GRIA1: variants seen among roughly 807,000 people sequenced by gnomAD.
GRIA1 encodes glutamate receptor 1.
GRIA1 carries 31 observed loss-of-function variants against 99.2 expected under a neutral mutation model. The observed-to-expected ratio is 0.31, with a 90% CI of 0.23 to 0.42. The LOEUF is 0.42. Among genes scored for constraint, GRIA1 ranks in the 10% least tolerant of loss-of-function variants. GRIA1 has a pLI of 1.00. For missense variants in GRIA1, 782 were observed against 1,157.5 expected (o/e 0.68, Z 4.71); for synonymous variants, 438 against 432.4 (o/e 1.01, Z -0.16).
At chr5:153,753,734 T>G (rs932306506) in intron 11 of GRIA1, among the ~76,000 whole-genome samples, 3 of 147,374 alleles carry the variant, frequency 2.0e-5, no homozygotes, top group East Asian at 2.0e-4. Flanking sequence ...CCCAGGGGGG[T>G]TTGGGAAAAG....
chr5:153,515,002 G>T (rs1266422816), intron 2 of GRIA1, among the ~76,000 whole-genome samples: 1 of 152,126 alleles, frequency 6.6e-6, no homozygotes, highest in African/African-American at 2.4e-5. Context: ...CTTGTATACT[G>T]TTGGAAATCA....
At chr5:153,714,780 C>A (rs1759550394) in intron 11 of GRIA1, among the ~76,000 whole-genome samples, 1 of 152,232 alleles carries the variant, frequency 6.6e-6, no homozygotes, top group Admixed American at 6.5e-5. Flanking sequence ...GTGAATGAAT[C>A]ATTTTTGCTA....
In GRIA1 at chr5:153,705,884, A is replaced by G. The variant is rs1758856379; in HGVS notation, c.1640A>G (p.Tyr547Cys). ...YEIWMCIVFA[Y>C]IGVSVVLFLV... ...ATTTGGATGTGCATTGTTTTTGCCT[A>G]CATTGGAGTGAGTGTTGTCCTCTTC... Residue 547 changes from tyrosine to cysteine, a missense_variant, in exon 11 of 16, where the codon TAC becomes TGC. Tyr to Cys is a radical substitution (Grantham distance 194, BLOSUM62 -2). Around this residue, in one of 5 missense-constraint regions of GRIA1, gnomAD observed 87 missense variants for 184.5 expected, o/e 0.47. Transcript: ENST00000285900. The G allele has an allele frequency of 6.2e-7, 1 of 1,613,748 alleles. No individual in the cohort carries two copies. Among genetic ancestry groups the G allele is most frequent in the African/African-American group, 1.3e-5 (1 of 74,826 alleles).
intron 5 of GRIA1, among the ~76,000 whole-genome samples, chr5:153,666,548 G>C (rs2149476872): frequency 6.6e-6 from 1 of 152,248 alleles, no homozygotes; most frequent in East Asian, 1.9e-4. Context: ...GTGGTTGGGA[G>C]GCTTGATGTA....
At chr5:153,592,926 CTT>C (rs1764095580) in intron 2 of GRIA1, among the ~76,000 whole-genome samples, 2 of 152,236 alleles carry the variant, frequency 1.3e-5, no homozygotes, top group Admixed American at 1.3e-4. Flanking sequence ...GTCTCTTTCT[CTT>C]CTTAGAGTCT....
chr5:153,725,499 A>G (rs1183575538), intron 11 of GRIA1, among the ~76,000 whole-genome samples: 1 of 123,752 alleles, frequency 8.1e-6, no homozygotes, highest in African/African-American at 3.2e-5. Flanking sequence ...CAGGAAACCC[A>G]TCTCACGTGC....
intron 2 of GRIA1, among the ~76,000 whole-genome samples, chr5:153,568,138 C>T (rs748127050): frequency 2.0e-5 from 3 of 152,142 alleles, no homozygotes; most frequent in Admixed American, 6.6e-5. Flanking sequence ...CTATTAAACA[C>T]GGGTGACGAA....
chr5:153,683,456 T>C (rs951475286), intron 7 of GRIA1, among the ~76,000 whole-genome samples: 2 of 152,210 alleles, frequency 1.3e-5, no homozygotes, highest in South Asian at 4.1e-4. Flanking sequence ...TAATCTCATC[T>C]GTGAAACAGG....
In GRIA1 at chr5:153,561,605, AGAAATGG is replaced by A. The variant is rs879739954; in HGVS notation, c.220+67542_220+67548del. ...CTGTATTAAGCTTCCATTTTCTCTA[AGAAATGG>A]GGGAAAAAAAGCTTTTACCTTGGCT... On this transcript the variant is annotated intron_variant, in intron 2 of 15. Coordinates refer to ENST00000285900, the MANE Select transcript of GRIA1 (RefSeq NM_000827.4). 8.0e-5 allele frequency among the ~76,000 whole-genome samples: 12 copies of A among 150,316 alleles called. 1 individual carries two copies. The Admixed American group carries it at 8.1e-4, about 10-fold the overall frequency.
intron 4 of GRIA1, among the ~76,000 whole-genome samples, chr5:153,653,675 A>G (rs1314960174): frequency 6.6e-6 from 1 of 152,100 alleles, no homozygotes; most frequent in African/African-American, 2.4e-5. Context: ...TCATTTATCT[A>G]TTTATATATT....
Position 153,492,329 on chromosome 5 carries a change from G to T in GRIA1, c.82+1359G>T, listed in dbSNP as rs563698269. 4.6e-6 allele frequency: 7 copies of T among 1,520,466 alleles called. No individual in the cohort carries two copies. The South Asian group carries it at 7.3e-5, about 16-fold the overall frequency. The allele number at this position is 1,520,466 out of a possible 1,614,324, so 94.2% of individuals were successfully genotyped here. A position where few individuals can be genotyped will look rare whatever the true frequency, so the allele number is the denominator to read the frequency against. ...GAAGTGTGTACGTATCTGTGTGTTA[G>T]TGCCTAACACGCAAAACTTCCTGCC... On this transcript the variant is annotated intron_variant, in intron 1 of 15. Coordinates refer to ENST00000285900, the MANE Select transcript of GRIA1 (RefSeq NM_000827.4).
At chr5:153,496,580 G>A (rs1021067224) in intron 2 of GRIA1, among the ~76,000 whole-genome samples, 8 of 152,168 alleles carry the variant, frequency 5.3e-5, no homozygotes, top group African/African-American at 1.9e-4. Flanking sequence ...GGAAATGGTG[G>A]CCTGGCTGGA....
At chr5:153,801,123 TTGAC>T (rs1473037403) in intron 14 of GRIA1, among the ~76,000 whole-genome samples, 1 of 152,280 alleles carries the variant, frequency 6.6e-6, no homozygotes, top group Non-Finnish European at 1.5e-5. Context: ...TGTCAAGAGT[TTGAC>T]TGAGCAACTT....
At chr5:153,705,582 T>C (rs775023662) in intron 10 of GRIA1, 115 bp from the exon 11 acceptor site, 20 of 1,343,730 alleles carry the variant, frequency 1.5e-5, no homozygotes, top group Middle Eastern at 2.7e-4. Flanking sequence ...TTTCCCACTC[T>C]CATATCCTTT....
chr5:153,572,425 C>G (rs1561652701), intron 2 of GRIA1, among the ~76,000 whole-genome samples: 2 of 152,140 alleles, frequency 1.3e-5, no homozygotes, highest in African/African-American at 4.8e-5. Flanking sequence ...GTGCATTCAT[C>G]CTGAAGGAGA....
At chr5:153,729,353 G>A (rs1171491517) in intron 11 of GRIA1, among the ~76,000 whole-genome samples, 1 of 151,886 alleles carries the variant, frequency 6.6e-6, no homozygotes, top group Non-Finnish European at 1.5e-5. Flanking sequence ...CCTGCACATT[G>A]TGCACATGTA....
intron 2 of GRIA1, among the ~76,000 whole-genome samples, chr5:153,529,521 G>A (rs1757909889): frequency 6.6e-6 from 1 of 152,152 alleles, no homozygotes; most frequent in South Asian, 2.1e-4. Flanking sequence ...GTATAAGTTG[G>A]TCTCATCACA....
chr5:153,723,619 C>G (rs963819254), intron 11 of GRIA1, among the ~76,000 whole-genome samples: 40 of 152,168 alleles, frequency 2.6e-4, no homozygotes, highest in Non-Finnish European at 4.7e-4. Context: ...AGGGTCCTAC[C>G]CCCACGGAGT....
At chr5:153,744,182 T>C (rs1309216326) in intron 11 of GRIA1, among the ~76,000 whole-genome samples, 1 of 152,168 alleles carries the variant, frequency 6.6e-6, no homozygotes, top group Non-Finnish European at 1.5e-5. Context: ...GGGGGAGAGA[T>C]ACAAAGTTGG....
Sources: allele counts gnomAD v4.1 joint callset (sites outside exome capture counted in the v4.1 genomes callset), GRCh38; gene constraint gnomAD v4.1.1; regional missense constraint gnomAD v4.1.1; transcripts MANE v1.5; gene names NCBI Gene and HGNC (gene_info 2026-07-23, HGNC 2026-07-21).